BSPRY: variants seen among roughly 807,000 people sequenced by gnomAD.
BSPRY encodes B-box and SPRY domain containing.
A neutral mutation model predicts 38.0 loss-of-function variants in BSPRY; 33 were observed. The ratio of observed to expected loss-of-function variants is 0.87; its 90% CI spans 0.66 to 1.16. BSPRY has a LOEUF of 1.16. Ranked by LOEUF, BSPRY falls within the 50% of genes most tolerant of loss-of-function variation. The pLI is 0.00. For synonymous variants in BSPRY, 224 were observed against 228.5 expected (o/e 0.98, Z 0.18); for missense variants, 523 against 533.2 (o/e 0.98, Z 0.19).
intron 2 of BSPRY, among the ~76,000 whole-genome samples, chr9:113,355,561 G>A (rs1397044972): frequency 6.6e-6 from 1 of 151,030 alleles, no homozygotes; most frequent in Admixed American, 6.6e-5. Context: ...TTGTCTTACT[G>A]CACTGGTTAT....
At chr9:113,364,191 A>G (rs1834206633) in intron 4 of BSPRY, among the ~76,000 whole-genome samples, 1 of 152,132 alleles carries the variant, frequency 6.6e-6, no homozygotes, top group Non-Finnish European at 1.5e-5. Flanking sequence ...TGTCTCAAAA[A>G]AAACAAAAAA....
At position 113,362,368 on chromosome 9, in the gene BSPRY, G is replaced by A; in HGVS notation, c.532-1G>A. 6.2e-7 allele frequency: 1 copy of A among 1,614,138 alleles called. No homozygotes were observed. The highest frequency in any genetic ancestry group is 8.5e-7 in the Non-Finnish European group (1 of 1,180,020). Reference sequence around the variant, plus strand: ...CTTGACTTTGTTTTCTTTTCTCACAGCAGAAGGAGCAAGAGATTTTCGAGA... The same window carrying A: ...CTTGACTTTGTTTTCTTTTCTCACAACAGAAGGAGCAAGAGATTTTCGAGA... On this transcript the variant is annotated splice_acceptor_variant, in intron 3 of 5. Coordinates refer to ENST00000374183, the MANE Select transcript of BSPRY (RefSeq NM_017688.3). LOFTEE classifies it high-confidence loss of function.
chr9:113,369,229 G>A (rs1456479394), intron 5 of BSPRY, among the ~76,000 whole-genome samples: 3 of 152,150 alleles, frequency 2.0e-5, no homozygotes, highest in Non-Finnish European at 4.4e-5. Context: ...TCAGTGCTAC[G>A]TATAGGAACA....
intron 2 of BSPRY, among the ~76,000 whole-genome samples, chr9:113,357,358 A>C (rs1329680307): frequency 1.3e-5 from 2 of 152,236 alleles, no homozygotes; most frequent in Non-Finnish European, 2.9e-5. Flanking sequence ...TTATAGCCAC[A>C]TGTACCCTTT....
At chr9:113,351,973 C>T (rs1258051839) in intron 1 of BSPRY, among the ~76,000 whole-genome samples, 2 of 152,076 alleles carry the variant, frequency 1.3e-5, no homozygotes, top group African/African-American at 4.8e-5. Context: ...CTACGCCTGG[C>T]TAATTTTTGT....
At chr9:113,358,797 C>T (rs576241561) in intron 2 of BSPRY, among the ~76,000 whole-genome samples, 2 of 152,198 alleles carry the variant, frequency 1.3e-5, no homozygotes, top group East Asian at 3.9e-4. Flanking sequence ...TGTTTTGATC[C>T]AGGATCACAC....
At chr9:113,352,109 C>G (rs1026850977) in intron 1 of BSPRY, among the ~76,000 whole-genome samples, 1 of 152,300 alleles carries the variant, frequency 6.6e-6, no homozygotes, top group Middle Eastern at 3.4e-3. Context: ...CCGTGCCCGG[C>G]CAGCTTTCCC....
chr9:113,363,699 T>C (rs1834192891), intron 4 of BSPRY, among the ~76,000 whole-genome samples: 1 of 149,012 alleles, frequency 6.7e-6, no homozygotes, highest in African/African-American at 2.5e-5. Flanking sequence ...TGGGCCAAGA[T>C]AGTGAAATCC....
intron 4 of BSPRY, among the ~76,000 whole-genome samples, chr9:113,364,084 G>C (rs944156498): frequency 6.6e-6 from 1 of 151,934 alleles, no homozygotes; most frequent in African/African-American, 2.4e-5. Flanking sequence ...TACTGGGGAA[G>C]CTGAGGCAAG....
rs531444055 is a variant in BSPRY at position 113,364,955 on chromosome 9, T to G, written c.557+2561T>G. Among the ~76,000 whole-genome samples the G allele has an allele frequency of 4.6e-5, 7 of 152,184 alleles. No individual in the cohort carries two copies. In the South Asian group the frequency reaches 1.5e-3, roughly 32 times the overall value. On this transcript the variant is annotated intron_variant, in intron 4 of 5. Coordinates refer to ENST00000374183, the MANE Select transcript of BSPRY (RefSeq NM_017688.3). ...GAATTATTCCTTAGCTTGTTTTTTT[T>G]TTTTTTTTTAACATTTTTAAAGAGT...
At chr9:113,356,826 G>T (rs1163470845) in intron 2 of BSPRY, among the ~76,000 whole-genome samples, 6 of 152,180 alleles carry the variant, frequency 3.9e-5, no homozygotes, top group Non-Finnish European at 8.8e-5. Context: ...AGGACTGCAT[G>T]TGGAGTGATG....
In BSPRY at chr9:113,370,245, A is replaced by T; in HGVS notation, c.*103A>T. 1.5e-6 allele frequency: 2 copies of T among 1,376,246 alleles called. No individual in the cohort carries two copies. The highest frequency in any genetic ancestry group is 9.8e-7 in the Non-Finnish European group (1 of 1,017,770). 85.3% of individuals were successfully genotyped at this position (1,376,246 alleles called of 1,614,324 possible). A position where few individuals can be genotyped will look rare whatever the true frequency, so the allele number is the denominator to read the frequency against. ...TGATGTGTGTGGTGTTTCTAAGAGA[A>T]ACAGGGCCCATAACCAGTGGGCAGC... On this transcript the variant is annotated 3_prime_UTR_variant, in exon 6 of 6. Coordinates refer to ENST00000374183, the MANE Select transcript of BSPRY (RefSeq NM_017688.3). This position sits in a 1 kb window ranked among gnomAD's most constrained non-coding sequence, Gnocchi z 4.8.
chr9:113,353,906 G>C (rs1834013654), intron 1 of BSPRY, among the ~76,000 whole-genome samples: 1 of 152,090 alleles, frequency 6.6e-6, no homozygotes, highest in Non-Finnish European at 1.5e-5. Context: ...TATAATGATA[G>C]GCTGGGGTTC....
chr9:113,366,288 A>C (rs12342334), intron 4 of BSPRY, among the ~76,000 whole-genome samples: 32,581 of 152,250 alleles, frequency 0.21, 3,689 homozygotes, highest in African/African-American at 0.3. Context: ...CTACTATTGA[A>C]AGGCCTATCC....
chr9:113,362,377 G>A lies in BSPRY; in HGVS notation c.540G>A (p.Glu180=), dbSNP rs148045769. 2.1e-4 allele frequency: 331 copies of A among 1,614,130 alleles called. 1 individual carries two copies. The East Asian group carries it at 6.4e-3, about 31-fold the overall frequency. Reference sequence around the variant, plus strand: ...GTTTTCTTTTCTCACAGCAGAAGGAGCAAGAGATTTTCGAGAGGTGAGTAT... The same window carrying A: ...GTTTTCTTTTCTCACAGCAGAAGGAACAAGAGATTTTCGAGAGGTGAGTAT... The part of the protein sequence containing the change: ...HLDDLQLIQK[E]QEIFERTEEA... Residue 180 remains glutamate, a synonymous_variant, in exon 4 of 6, where the codon GAG becomes GAA. Transcript: ENST00000374183.
intron 4 of BSPRY, among the ~76,000 whole-genome samples, chr9:113,367,776 G>C (rs1834274722): frequency 6.6e-6 from 1 of 151,938 alleles, no homozygotes; most frequent in Non-Finnish European, 1.5e-5. Flanking sequence ...GGGGGGCACA[G>C]GGGAAATGGC....
Position 113,369,826 on chromosome 9 carries a change from A to C in BSPRY, c.893A>C (p.Tyr298Ser). 6.2e-7 allele frequency: 1 copy of C among 1,614,228 alleles called. No homozygotes were observed. Among genetic ancestry groups the C allele is most frequent in the Non-Finnish European group, 8.5e-7 (1 of 1,180,030 alleles). ...GTGAATGTCCAGAACAGTTGTGCCT[A>C]TAAGGTGGGCGTGGCTTCAGGCCAC... ...WMVNVQNSCA[Y>S]KVGVASGHLP... The change falls in exon 6 of 6, where the codon TAT (tyrosine) becomes TCT (serine). Residue 298 changes from tyrosine to serine, a missense_variant. Physicochemically the swap from Tyr to Ser is moderately radical, Grantham distance 144. Transcript: ENST00000374183.
chr9:113,350,920 C>T (rs1226730148), intron 1 of BSPRY, among the ~76,000 whole-genome samples: 4 of 152,228 alleles, frequency 2.6e-5, no homozygotes, highest in East Asian at 1.9e-4. Context: ...GTCTTGACCA[C>T]GCCTTTGAAG....
chr9:113,354,156 G>T (rs907787371), intron 1 of BSPRY, 84 bp from the exon 2 acceptor site: 3 of 1,107,682 alleles, frequency 2.7e-6, no homozygotes, highest in Non-Finnish European at 4.1e-6. Context: ...TGGCTGACAT[G>T]TGGTAACAGG....
Sources: allele counts gnomAD v4.1 joint callset (sites outside exome capture counted in the v4.1 genomes callset), GRCh38; gene constraint gnomAD v4.1.1; non-coding constraint Gnocchi (gnomAD v3.1); transcripts MANE v1.5; gene names NCBI Gene and HGNC (gene_info 2026-07-23, HGNC 2026-07-21).